Variants in DNAH8 observed in about 807,000 individuals in gnomAD.
The protein encoded by DNAH8 is dynein axonemal heavy chain 8.
Under a neutral mutation model 562.1 loss-of-function variants are expected in DNAH8, and 382 were observed. That is an observed-to-expected ratio of 0.68 (90% CI 0.63 to 0.74). DNAH8 has a LOEUF of 0.74. Among genes scored for constraint, DNAH8 ranks in the 30% least tolerant of loss-of-function variants. The pLI, the probability that DNAH8 is intolerant of heterozygous loss-of-function variation, is 0.00. For missense variants in DNAH8, 5,203 were observed against 5,620.4 expected, an observed-to-expected ratio of 0.93 and a Z score of 2.37; for synonymous variants, 1,881 against 1,919.4, an observed-to-expected ratio of 0.98 and a Z score of 0.52.
intron 33 of DNAH8, 152 bp downstream of exon 33, chr6:38,838,194 A>G: frequency 1.7e-6 from 1 of 579,692 alleles, no homozygotes; most frequent in Non-Finnish European, 3.0e-6. Context: ...TTCTTTACAA[A>G]TTGGACACAC....
chr6:38,750,426 C>A, intron 8 of DNAH8, 50 bp from the exon 9 acceptor site: 3 of 1,246,476 alleles, frequency 2.4e-6, no homozygotes, highest in South Asian at 1.4e-5. Flanking sequence ...AACTTTAGCA[C>A]ACTGATATAT....
chr6:38,917,058 T>C (rs981334760), intron 68 of DNAH8, among the ~76,000 whole-genome samples, 181 bp from the exon 69 acceptor site: 2 of 152,118 alleles, frequency 1.3e-5, no homozygotes, highest in African/African-American at 4.8e-5. Context: ...AAAAGAAGAA[T>C]ACATACAAAT....
chr6:38,715,954 ATATATATTT>A (rs1180291995), intron 1 of DNAH8, among the ~76,000 whole-genome samples: 27 of 37,508 alleles, frequency 7.2e-4, no homozygotes, highest in African/African-American at 3.8e-3. Flanking sequence ...ATATATATAT[ATATATATTT>A]TTTTTTTTTT....
intron 73 of DNAH8, 38 bp downstream of exon 73, chr6:38,924,200 C>A: frequency 6.2e-7 from 1 of 1,600,392 alleles, no homozygotes; most frequent in Non-Finnish European, 8.5e-7. Flanking sequence ...GAATTTCAGT[C>A]TCATTTTATT....
chr6:38,915,174 C>T (rs1781211295), intron 67 of DNAH8, 27 bp from the exon 68 acceptor site: 4 of 1,564,306 alleles, frequency 2.6e-6, no homozygotes, highest in Admixed American at 2.2e-5. Flanking sequence ...TTTCTATTGG[C>T]TTTCATGTGT....
chr6:38,884,487 T>C (rs1038359852), intron 56 of DNAH8, among the ~76,000 whole-genome samples: 12 of 152,202 alleles, frequency 7.9e-5, no homozygotes, highest in Non-Finnish European at 1.6e-4. Flanking sequence ...AGAGACACGG[T>C]TTCACCATGT....
At chr6:38,729,859 T>G in intron 3 of DNAH8, 43 bp from the exon 4 acceptor site, 1 of 1,052,060 alleles carries the variant, frequency 9.5e-7, no homozygotes, top group Non-Finnish European at 1.4e-6. Flanking sequence ...ACTAAGAATT[T>G]TTCCTTAGTC....
At chr6:38,939,899 A>G (rs1408836094) in intron 79 of DNAH8, among the ~76,000 whole-genome samples, 1 of 152,206 alleles carries the variant, frequency 6.6e-6, no homozygotes, top group Non-Finnish European at 1.5e-5. Flanking sequence ...CTGAAATGGA[A>G]CAGCATGAGA....
chr6:38,760,137 T>A (rs992163805), intron 10 of DNAH8, among the ~76,000 whole-genome samples: 5 of 152,268 alleles, frequency 3.3e-5, no homozygotes, highest in African/African-American at 1.2e-4. Context: ...ATCTTTTTCC[T>A]TCTTGGATTC....
chr6:38,998,152 T>C (rs1221380715), intron 88 of DNAH8, among the ~76,000 whole-genome samples: 2 of 152,230 alleles, frequency 1.3e-5, no homozygotes, highest in Admixed American at 1.3e-4. Flanking sequence ...TCCATAAATT[T>C]GAGAGAAGAG....
chr6:38,951,552 A>G, intron 82 of DNAH8, 32 bp downstream of exon 82: 1 of 1,569,534 alleles, frequency 6.4e-7, no homozygotes, highest in East Asian at 2.3e-5. Flanking sequence ...ATGTAGCAAC[A>G]CTTCCATATT....
intron 17 of DNAH8, among the ~76,000 whole-genome samples, chr6:38,785,618 A>ACTTT (rs1769081114): frequency 6.6e-6 from 1 of 152,046 alleles, no homozygotes; most frequent in South Asian, 2.1e-4. Context: ...TTGTCCTAAT[A>ACTTT]CTTTCCCTCC....
In DNAH8 at chr6:38,807,681, T is replaced by A. The variant is rs1345640239; in HGVS notation, c.3222T>A (p.Ser1074=). 2 of 1,542,458 alleles carry A rather than the reference T, an allele frequency of 1.3e-6. No individual in the cohort carries two copies. Among genetic ancestry groups the A allele is most frequent in the Non-Finnish European group, 1.7e-6 (2 of 1,148,756 alleles). The part of the protein sequence containing the change: ...LDSLQKATRL[S]LDTMKRRIFV... The stretch of plus-strand genomic sequence containing the variant: ...GTCTTCAAAAAGCTACACGGTTATC[T>A]CTGGACACAATGAAAAGAAGAATAT... Residue 1074 remains serine (S), a synonymous_variant, in exon 24 of 93, where the codon TCT becomes TCA. Transcript: ENST00000327475.
chr6:38,867,050 A>C lies in DNAH8; in HGVS notation c.6693+174A>C, dbSNP rs554259889. On this transcript the variant is annotated intron_variant, in intron 47 of 92. Transcript: ENST00000327475. The stretch of plus-strand genomic sequence containing the variant: ...TATTTTTAAGACCCTTTTATTTTGA[A>C]ATAATTGTAGATTCACAGGAAGTTG... Among the ~76,000 whole-genome samples the C allele has an allele frequency of 1.0e-3, 157 of 152,082 alleles. 1 individual carries two copies. Among genetic ancestry groups the C allele is most frequent in the Non-Finnish European group, 1.8e-3 (122 of 68,018 alleles).
In DNAH8 at chr6:38,942,805, A is replaced by G. The variant is rs74886488; in HGVS notation, c.12008-2662A>G. 9.4e-3 allele frequency among the ~76,000 whole-genome samples: 1,436 copies of G among 152,288 alleles called. 16 individuals are homozygous for G. The highest frequency in any genetic ancestry group is 0.016 in the Non-Finnish European group (1,074 of 68,022). On this transcript the variant is annotated intron_variant, in intron 79 of 92. Transcript: ENST00000327475. The stretch of plus-strand genomic sequence containing the variant: ...CCTGCATACCTGAGGCATGCTCGAT[A>G]CTAAGACATAGTCCCACCCCGTCTC...
intron 45 of DNAH8, among the ~76,000 whole-genome samples, chr6:38,865,449 G>T (rs1444907346): frequency 2.0e-5 from 3 of 152,182 alleles, no homozygotes; most frequent in Non-Finnish European, 2.9e-5. Flanking sequence ...ATTAGATATT[G>T]CATTAAGCTG....
intron 9 of DNAH8, among the ~76,000 whole-genome samples, chr6:38,751,575 G>T (rs1765454692): frequency 6.6e-6 from 1 of 152,170 alleles, no homozygotes; most frequent in Non-Finnish European, 1.5e-5. Context: ...AATCAGGGAT[G>T]CAGGACAGAA....
chr6:38,896,602 C>CAAA (rs1472919807), intron 60 of DNAH8, among the ~76,000 whole-genome samples: 2 of 148,664 alleles, frequency 1.3e-5, no homozygotes, highest in Non-Finnish European at 3.0e-5. Flanking sequence ...AACAAACAAA[C>CAAA]AAACAAAAAA....
chr6:38,973,919 C>T (rs1763506370), intron 84 of DNAH8, 106 bp downstream of exon 84: 1 of 799,652 alleles, frequency 1.3e-6, no homozygotes, highest in African/African-American at 1.8e-5. Flanking sequence ...CCTGTAGGGT[C>T]TGGACTGCAA....
Sources: gnomAD v4.1 joint callset for allele counts (sites outside exome capture counted in the v4.1 genomes callset) on GRCh38, gnomAD v4.1.1 for gene constraint, MANE v1.5 for transcripts, NCBI Gene and HGNC (gene_info 2026-07-23, HGNC 2026-07-21) for gene names.